Variants in MOB1B observed in about 807,000 individuals in gnomAD.
MOB1B encodes MOB1 Mps One Binder homolog B.
A neutral mutation model predicts 24.4 loss-of-function variants in MOB1B; 19 were observed. The ratio of observed to expected loss-of-function variants is 0.78; its 90% CI spans 0.54 to 1.14. MOB1B has a LOEUF of 1.14. MOB1B is among the 50% of genes most tolerant of loss of function. The pLI is 0.00. For synonymous variants in MOB1B, 76 were observed against 82.1 expected (o/e 0.93, Z 0.40); for missense variants, 243 against 259.6 (o/e 0.94, Z 0.44).
intron 4 of MOB1B, chr4:70,976,338 A>G (rs1443492602): frequency 1.0e-6 from 1 of 985,014 alleles, no homozygotes; most frequent in Non-Finnish European, 1.2e-6. Flanking sequence ...GTTATTTAGT[A>G]ATATATTTGT....
rs1387118881 is a variant in MOB1B, at chr4:70,958,590, G to T, written c.15-284G>T. 3 of 459,134 alleles carry T rather than the reference G, an allele frequency of 6.5e-6. No individual in the cohort carries two copies. In the East Asian group the frequency reaches 1.8e-4, roughly 27 times the overall value. 28.4% of individuals were successfully genotyped at this position (459,134 alleles called of 1,614,324 possible). ...TTAGAATGAGAGACTTAGAATAGGA[G>T]TGAAAGGAATACAATAACTAAAACA... On this transcript the variant is annotated intron_variant, in intron 1 of 5. Transcript: ENST00000309395.
At chr4:70,935,577 T>G (rs72853000) in intron 1 of MOB1B, among the ~76,000 whole-genome samples, 3,096 of 152,194 alleles carry the variant, frequency 0.02, 94 homozygotes, top group African/African-American at 0.069. Flanking sequence ...TGAATGTAGG[T>G]ATTTTCCTCA....
At chr4:70,912,245 G>T (rs2148868033) in intron 1 of MOB1B, among the ~76,000 whole-genome samples, 1 of 149,872 alleles carries the variant, frequency 6.7e-6, no homozygotes, top group South Asian at 2.1e-4. Flanking sequence ...GTGTAGCTGT[G>T]AAGTAACATT....
chr4:70,927,977 T>C (rs6820372), intron 1 of MOB1B, among the ~76,000 whole-genome samples: 4,229 of 152,270 alleles, frequency 0.028, 194 homozygotes, highest in African/African-American at 0.094. Context: ...TTGCTCCATC[T>C]TTCTGCCTTT....
intron 1 of MOB1B, among the ~76,000 whole-genome samples, chr4:70,938,313 G>C (rs370170098): frequency 9.5e-3 from 22 of 2,314 alleles, no homozygotes; most frequent in Admixed American, 0.023. Flanking sequence ...CAGATTTGCC[G>C]CCCCCGCCCC....
intron 1 of MOB1B, among the ~76,000 whole-genome samples, chr4:70,947,179 G>C (rs955161152): frequency 6.6e-6 from 1 of 152,216 alleles, no homozygotes. Flanking sequence ...AAAAATTGGG[G>C]ATGATATCAC....
At chr4:70,950,297 G>C (rs761259893) in intron 1 of MOB1B, among the ~76,000 whole-genome samples, 1 of 151,788 alleles carries the variant, frequency 6.6e-6, no homozygotes, top group Non-Finnish European at 1.5e-5. Flanking sequence ...TTAGCTGGGC[G>C]TGGTGGTGGG....
chr4:70,988,153 T>TA lies in MOB1B; in HGVS notation c.*6097dup, dbSNP rs1313587863. On this transcript the variant is annotated 3_prime_UTR_variant, in exon 6 of 6. Transcript: ENST00000309395. The stretch of plus-strand genomic sequence containing the variant: ...TATAAGAAAAAAATGAATAAATAGT[T>TA]ACGTTTGGCCATGAATCCTGACTTT... 2 of 152,552 alleles carry TA rather than the reference T, an allele frequency of 1.3e-5. No individual in the cohort carries two copies. The highest frequency in any genetic ancestry group is 2.9e-5 in the Non-Finnish European group (2 of 68,006). The allele number at this position is 152,552 out of a possible 1,614,324, so 9.4% of individuals were successfully genotyped here. A position where few individuals can be genotyped will look rare whatever the true frequency, so the allele number is the denominator to read the frequency against.
In MOB1B at chr4:70,958,009, G is replaced by A. The variant is rs539449755; in HGVS notation, c.15-865G>A. Reference sequence around the variant, plus strand: ...ACATACACATAGGCTGTGTGTGTTTGTGTCTGTGTCTCTGTGTGTGCTTAA... The same window carrying A: ...ACATACACATAGGCTGTGTGTGTTTATGTCTGTGTCTCTGTGTGTGCTTAA... On this transcript the variant is annotated intron_variant, in intron 1 of 5. Transcript: ENST00000309395. Among the ~76,000 whole-genome samples the A allele has an allele frequency of 2.6e-5, 4 of 152,058 alleles. No homozygotes were observed. In the East Asian group the frequency reaches 7.7e-4, roughly 29 times the overall value.
chr4:70,966,563 G>A (rs533189659), intron 2 of MOB1B, among the ~76,000 whole-genome samples: 238 of 151,600 alleles, frequency 1.6e-3, no homozygotes, highest in Non-Finnish European at 2.6e-3. Flanking sequence ...TAGTAGAGAC[G>A]GGGTTTCTCC....
intron 1 of MOB1B, among the ~76,000 whole-genome samples, chr4:70,926,840 CA>C (rs1052239699): frequency 6.6e-6 from 1 of 151,406 alleles, no homozygotes; most frequent in Non-Finnish European, 1.5e-5. Context: ...ACTAAAAATA[CA>C]AAAAAATTAG....
intron 1 of MOB1B, among the ~76,000 whole-genome samples, chr4:70,953,591 A>G (rs546665222): frequency 6.6e-6 from 1 of 152,314 alleles, no homozygotes; most frequent in East Asian, 1.9e-4. Context: ...CTCTCAAAAA[A>G]CAAAATAAAA....
At chr4:70,976,669 A>T in intron 4 of MOB1B, 2 of 968,866 alleles carry the variant, frequency 2.1e-6, no homozygotes, top group Non-Finnish European at 2.5e-6. Flanking sequence ...AGTTGTTGTT[A>T]TGGAGTACTT....
At chr4:70,930,971 T>TCC (rs1736870539) in intron 1 of MOB1B, among the ~76,000 whole-genome samples, 2 of 150,428 alleles carry the variant, frequency 1.3e-5, no homozygotes, top group Non-Finnish European at 3.0e-5. Flanking sequence ...TTTCCTTTTT[T>TCC]TTTTTTTTTT....
intron 4 of MOB1B, chr4:70,976,335 A>G (rs955806964): frequency 1.0e-6 from 1 of 985,182 alleles, no homozygotes; most frequent in African/African-American, 1.7e-5. Context: ...AGTGTTATTT[A>G]GTAATATATT....
intron 1 of MOB1B, among the ~76,000 whole-genome samples, chr4:70,936,347 T>G (rs1469831577): frequency 6.6e-6 from 1 of 152,130 alleles, no homozygotes; most frequent in African/African-American, 2.4e-5. Flanking sequence ...TGCATTTAAG[T>G]GTAATATTGT....
At chr4:70,926,068 A>G (rs1736635965) in intron 1 of MOB1B, among the ~76,000 whole-genome samples, 1 of 152,080 alleles carries the variant, frequency 6.6e-6, no homozygotes, top group South Asian at 2.1e-4. Context: ...GCTCACTGCA[A>G]CCTCAACCTC....
chr4:70,926,030 G>A (rs1435026698), intron 1 of MOB1B, among the ~76,000 whole-genome samples: 2 of 152,206 alleles, frequency 1.3e-5, no homozygotes, highest in African/African-American at 4.8e-5. Context: ...CTCTGTCACC[G>A]AAGCTGGAAT....
chr4:70,976,772 A>ATC (rs1553939791), intron 4 of MOB1B: 49 of 215,128 alleles, frequency 2.3e-4, no homozygotes, highest in East Asian at 1.9e-4. Context: ...ATATATATAT[A>ATC]TATCTCTCTC....
Sources: gnomAD v4.1 joint callset for allele counts (sites outside exome capture counted in the v4.1 genomes callset) on GRCh38, gnomAD v4.1.1 for gene constraint, MANE v1.5 for transcripts, NCBI Gene and HGNC (gene_info 2026-07-23, HGNC 2026-07-21) for gene names.